Variants in SSC5D observed in about 807,000 individuals in gnomAD.
The protein encoded by SSC5D is scavenger receptor cysteine rich family member with 5 domains, also known as soluble scavenger receptor cysteine-rich domain-containing protein SSC5D.
In SSC5D, 106 loss-of-function variants were observed where a neutral mutation model predicts 104.6. The ratio of observed to expected loss-of-function variants is 1.01; its 90% CI spans 0.87 to 1.19. The LOEUF is 1.19. Among genes scored for constraint, SSC5D ranks in the 50% most tolerant of loss-of-function variants. The probability of loss-of-function intolerance (pLI) is 0.00; values close to 1 mark genes in which losing one functional copy is unlikely to be tolerated. For missense variants in SSC5D, 1,993 were observed against 2,153.8 expected (o/e 0.93, Z 1.48); for synonymous variants, 860 against 883.5 (o/e 0.97, Z 0.47).
chr19:55,491,210 G>A (rs1395003172), intron 6 of SSC5D, 130 bp downstream of exon 6: 12 of 1,039,240 alleles, frequency 1.2e-5, no homozygotes, highest in East Asian at 5.4e-5. Context: ...CATGCCCAGC[G>A]CCCACTCACC....
chr19:55,495,225 A>ATG (rs200220683), intron 8 of SSC5D, among the ~76,000 whole-genome samples: 1,973 of 23,012 alleles, frequency 0.086, 175 homozygotes, highest in Non-Finnish European at 0.1. Flanking sequence ...TCATATATAT[A>ATG]TATATATATT....
At chr19:55,506,770 A>G (rs546462084) in intron 12 of SSC5D, among the ~76,000 whole-genome samples, 2 of 152,266 alleles carry the variant, frequency 1.3e-5, no homozygotes, top group South Asian at 4.1e-4. Context: ...ACGTCAGTTC[A>G]TGTGTCAAAT....
In SSC5D at chr19:55,494,638, G is replaced by A. The variant is rs767490194; in HGVS notation, c.1242G>A (p.Thr414=). Residue 414 remains threonine (T), a synonymous_variant, in exon 8 of 14, where the codon ACG becomes ACA. Transcript: ENST00000389623. ...TGCCCCTGGGCTACGTCCCTCCCAC[G>A]GCCCCCACGGACAGCAACAACTCCA... ...DGMPLGYVPP[T]APTDSNNSTP... 89 of 1,544,084 alleles carry A rather than the reference G, an allele frequency of 5.8e-5. No homozygotes were observed. The Admixed American group carries it at 1.5e-3, about 26-fold the overall frequency.
rs1239085726 is a variant in SSC5D at position 55,503,271 on chromosome 19, C to T, written c.2785+2070C>T. On this transcript the variant is annotated intron_variant, in intron 12 of 13. Transcript: ENST00000389623. The surrounding 1 kb of genome is among the most constrained non-coding windows in gnomAD (Gnocchi z 4.0). ...CTGTATCTTCCGTCCTCTTGTCTTT[C>T]ACTTTCAGTTCTCAGCTTCGCCACC... 6.6e-6 allele frequency among the ~76,000 whole-genome samples: 1 copy of T among 152,166 alleles called. No individual in the cohort carries two copies. The highest frequency in any genetic ancestry group is 2.4e-5 in the African/African-American group (1 of 41,440).
chr19:55,518,549 A>G lies in SSC5D; in HGVS notation c.4273A>G (p.Thr1425Ala), dbSNP rs1157458649. 26 of 1,524,786 alleles carry G rather than the reference A, an allele frequency of 1.7e-5. No homozygotes were observed. The highest frequency in any genetic ancestry group is 3.6e-5 in the African/African-American group (2 of 56,114). 94.5% of individuals were successfully genotyped at this position (1,524,786 alleles called of 1,614,324 possible). ...GAGCCCCAACCTAACCCCTCCACCC[A>G]CCCATACCCCACACTCAGCCTCTGA... ...SQSPNLTPPP[T>A]HTPHSASDLT... Residue 1425 changes from threonine to alanine, a missense_variant, in exon 14 of 14, where the codon ACC becomes GCC. Around this residue, in one of 6 missense-constraint regions of SSC5D, gnomAD observed 349 missense variants for 397.6 expected, o/e 0.88. Transcript: ENST00000389623.
At chr19:55,512,448 A>G (rs1987779672) in intron 12 of SSC5D, among the ~76,000 whole-genome samples, 2 of 148,932 alleles carry the variant, frequency 1.3e-5, no homozygotes, top group Non-Finnish European at 1.5e-5. Flanking sequence ...TTCCCCCGCT[A>G]GGGCAGGAGC....
chr19:55,502,153 T>C (rs1987521812), intron 12 of SSC5D, among the ~76,000 whole-genome samples: 1 of 152,034 alleles, frequency 6.6e-6, no homozygotes, highest in Admixed American at 6.6e-5. Context: ...CCTGTCTCAC[T>C]CTCTCAAAGT....
chr19:55,511,393 G>T (rs957418755), intron 12 of SSC5D, among the ~76,000 whole-genome samples: 2 of 152,010 alleles, frequency 1.3e-5, no homozygotes, highest in Admixed American at 1.3e-4. Context: ...CTGGTTTTGC[G>T]TTTGGAATGA....
rs1454900813 is a variant in SSC5D, at chr19:55,517,682, G to A, written c.3406G>A (p.Val1136Ile). 3.2e-6 allele frequency: 5 copies of A among 1,551,240 alleles called. No individual in the cohort carries two copies. In the South Asian group the frequency reaches 3.6e-5, roughly 11 times the overall value. ...GGACACAACTCCATACTCCAGTACA[G>A]TCTCAGAATATTCTAGATCCCCAGA... ...DLDTTPYSST[V>I]SEYSRSPDPS... Residue 1136 changes from valine (V) to isoleucine (I), a missense_variant, in exon 14 of 14, where the codon GTC becomes ATC. Physicochemically the swap from Val to Ile is conservative, Grantham distance 29 (BLOSUM62 3). This residue lies in a region of SSC5D where 423 missense variants were observed against 409.2 expected (regional missense o/e 1.03). Coordinates refer to ENST00000389623, the MANE Select transcript of SSC5D (RefSeq NM_001144950.2).
chr19:55,501,909 A>G (rs920480449), intron 12 of SSC5D, among the ~76,000 whole-genome samples: 1 of 151,128 alleles, frequency 6.6e-6, no homozygotes, highest in African/African-American at 2.4e-5. Flanking sequence ...TTCATTATCC[A>G]TTTCTCACCC....
At chr19:55,488,718 G>T in intron 1 of SSC5D, 104 bp downstream of exon 1, 1 of 1,041,052 alleles carries the variant, frequency 9.6e-7, no homozygotes, top group South Asian at 1.4e-5. Context: ...CTGGTCGCTG[G>T]TGCTCCTGCA....
In SSC5D at chr19:55,517,405, C is replaced by G; in HGVS notation, c.3129C>G (p.Asp1043Glu). 6.4e-7 allele frequency: 1 copy of G among 1,550,940 alleles called. No individual in the cohort carries two copies. The highest frequency in any genetic ancestry group is 8.7e-7 in the Non-Finnish European group (1 of 1,146,964). Reference sequence around the variant, plus strand: ...CCTTGACGTCCGAGGCGACCTCTGACGCTCCGGACACTTCACCACCCACCC... The same window carrying G: ...CCTTGACGTCCGAGGCGACCTCTGAGGCTCCGGACACTTCACCACCCACCC... Reference protein sequence around the residue: ...HSALTSEATSDAPDTSPPTPD... With the variant: ...HSALTSEATSEAPDTSPPTPD... The change falls in exon 14 of 14, where the codon GAC becomes GAG. Residue 1043 changes from aspartate to glutamate, a missense_variant. This residue lies in a region of SSC5D where 423 missense variants were observed against 409.2 expected (regional missense o/e 1.03). Transcript: ENST00000389623.
At position 55,518,581 on chromosome 19, in the gene SSC5D, T is replaced by C. The variant is rs1987948173; in HGVS notation, c.4305T>C (p.Thr1435=). Residue 1435 remains threonine (T), a synonymous_variant, in exon 14 of 14, where the codon ACT becomes ACC. Coordinates refer to ENST00000389623, the MANE Select transcript of SSC5D (RefSeq NM_001144950.2). ...CCCCACACTCAGCCTCTGACCTTACTGTGTCCCCTGACCCCCTCCTTTCCC... is the reference window on the plus strand; with the variant it reads ...CCCCACACTCAGCCTCTGACCTTACCGTGTCCCCTGACCCCCTCCTTTCCC... The part of the protein sequence containing the change: ...THTPHSASDL[T]VSPDPLLSPT... The C allele has an allele frequency of 6.5e-7, 1 of 1,541,540 alleles. No homozygotes were observed. The highest frequency in any genetic ancestry group is 8.8e-7 in the Non-Finnish European group (1 of 1,142,002).
chr19:55,509,488 C>T (rs1179893913), intron 12 of SSC5D, among the ~76,000 whole-genome samples: 7 of 152,080 alleles, frequency 4.6e-5, no homozygotes, highest in Non-Finnish European at 4.4e-5. Flanking sequence ...TAGATTAATA[C>T]CCAGCTGTAT....
At position 55,519,057 on chromosome 19, in the gene SSC5D, A is replaced by C. The variant is rs938581496; in HGVS notation, c.*59A>C. 3.4e-5 allele frequency: 50 copies of C among 1,488,340 alleles called. No individual in the cohort carries two copies. Among genetic ancestry groups the C allele is most frequent in the Non-Finnish European group, 4.3e-5 (48 of 1,113,936 alleles). The allele number at this position is 1,488,340 out of a possible 1,614,324, so 92.2% of individuals were successfully genotyped here. A position where few individuals can be genotyped will look rare whatever the true frequency, so the allele number is the denominator to read the frequency against. ...CCAACCAAAAAAAACAAAAACAAAA[A>C]AAACCCCCAAAGTATCTAATTAAAA... On this transcript the variant is annotated 3_prime_UTR_variant, in exon 14 of 14. Transcript: ENST00000389623.
rs1340940186 is a variant in SSC5D, at chr19:55,512,827, C to T, written c.2786-184C>T. ...GTGCTAGTTTAGTGACCGTTTCCGT[C>T]GTTGGTAGCCAAAAACATCCCAGCT... On this transcript the variant is annotated intron_variant, in intron 12 of 13. Transcript: ENST00000389623. 2.6e-5 allele frequency among the ~76,000 whole-genome samples: 4 copies of T among 152,180 alleles called. No individual in the cohort carries two copies. In the East Asian group the frequency reaches 5.8e-4, roughly 22 times the overall value.
Position 55,517,408 on chromosome 19 carries a change from TC to T in SSC5D, c.3134del (p.Pro1045ArgfsTer20), listed in dbSNP as rs1402279003. 4 of 1,550,714 alleles carry T rather than the reference TC, an allele frequency of 2.6e-6. No homozygotes were observed. The highest frequency in any genetic ancestry group is 3.5e-6 in the Non-Finnish European group (4 of 1,146,928). On this transcript the variant is annotated frameshift_variant, in exon 14 of 14. Transcript: ENST00000389623. LOFTEE classifies it low-confidence loss of function (END_TRUNC). ...TGACGTCCGAGGCGACCTCTGACGC[TC>T]CGGACACTTCACCACCCACCCCAGA... ...ALTSEATSDA[P>X]DTSPPTPDPA...
intron 12 of SSC5D, among the ~76,000 whole-genome samples, chr19:55,508,556 G>T: frequency 6.6e-6 from 1 of 152,198 alleles, no homozygotes; most frequent in East Asian, 1.9e-4. Context: ...CTTGGATTCA[G>T]ACTCCAGATT....
chr19:55,515,745 A>AT (rs1256281206), intron 13 of SSC5D, among the ~76,000 whole-genome samples: 2 of 151,416 alleles, frequency 1.3e-5, no homozygotes, highest in African/African-American at 2.4e-5. Context: ...AAAAAAAATA[A>AT]AATAAAATAA....
Sources: gnomAD v4.1 joint callset for allele counts (sites outside exome capture counted in the v4.1 genomes callset) on GRCh38, gnomAD v4.1.1 for gene constraint, gnomAD v4.1.1 regional missense constraint, Gnocchi (gnomAD v3.1) non-coding constraint, MANE v1.5 for transcripts, NCBI Gene and HGNC (gene_info 2026-07-23, HGNC 2026-07-21) for gene names.